The following POU4F1 variants were observed in gnomAD, a reference collection of about 807,000 sequenced individuals.
The protein encoded by POU4F1 is POU domain, class 4, transcription factor 1.
In POU4F1, 5 loss-of-function variants were observed where a neutral mutation model predicts 19.8. The ratio of observed to expected loss-of-function variants is 0.25; its 90% CI spans 0.13 to 0.53. The LOEUF is 0.53. POU4F1 is among the 20% of genes least tolerant of loss of function. The pLI is 0.96. For missense variants in POU4F1, 408 were observed against 511.6 expected (o/e 0.80, Z 1.95); for synonymous variants, 266 against 247.7 (o/e 1.07, Z -0.69).
intron 1 of POU4F1, among the ~76,000 whole-genome samples, chr13:78,602,961 T>C (rs990646850): frequency 2.0e-5 from 3 of 151,624 alleles, no homozygotes; most frequent in African/African-American, 7.3e-5. Flanking sequence ...TAGAGGGAAG[T>C]CGAGAGTCCT....
chr13:78,601,964 GGCC>G lies in POU4F1; in HGVS notation c.708_710del (p.Ala237del), dbSNP rs1229822868. ...CCGCCGATGCCGCTGCCACCTGCCCGGCCGCCGCCGCCGCCGCTGCCGCTGCCG... is the reference window on the plus strand; with the variant it reads ...CCGCCGATGCCGCTGCCACCTGCCCGGCCGCCGCCGCCGCTGCCGCTGCCG... On this transcript the variant is annotated inframe_deletion, in exon 2 of 2. Transcript: ENST00000377208. The G allele has an allele frequency of 2.0e-4, 235 of 1,165,782 alleles. No homozygotes were observed. Among genetic ancestry groups the G allele is most frequent in the Middle Eastern group, 3.4e-4 (1 of 2,900 alleles). The allele number at this position is 1,165,782 out of a possible 1,614,324, so 72.2% of individuals were successfully genotyped here. A position where few individuals can be genotyped will look rare whatever the true frequency, so the allele number is the denominator to read the frequency against.
rs560027499 is a variant in POU4F1 at position 78,600,312 on chromosome 13, A to C, written c.*1103T>G. The C allele has an allele frequency of 1.3e-5, 2 of 152,062 alleles. No individual in the cohort carries two copies. The highest frequency in any genetic ancestry group is 2.4e-5 in the African/African-American group (1 of 41,496). The allele number at this position is 152,062 out of a possible 1,614,324, so 9.4% of individuals were successfully genotyped here. On this transcript the variant is annotated 3_prime_UTR_variant, in exon 2 of 2. Coordinates refer to ENST00000377208, the MANE Select transcript of POU4F1 (RefSeq NM_006237.4). The stretch of plus-strand genomic sequence containing the variant: ...AAATCAGTAGTTTAAACCTCTCTCT[A>C]AAAAAAAGATAAAACTGAAAGGGCA...
chr13:78,601,604 G>C lies in POU4F1; in HGVS notation c.1071C>G (p.Arg357=). Residue 357 remains arginine (R), a synonymous_variant, in exon 2 of 2, where the codon CGC becomes CGG. Transcript: ENST00000377208. The stretch of plus-strand genomic sequence containing the variant: ...CGGGCGCGGCGATGGAAGTCCGCTT[G>C]CGCTTCTTCTCGCCGCCGTTGAAGA... ...PELFNGGEKK[R]KRTSIAAPEK... is the part of the protein sequence containing the mutation. 1 of 1,613,834 alleles carries C rather than the reference G, an allele frequency of 6.2e-7. No homozygotes were observed.
chr13:78,602,746 G>T (rs1874766957), intron 1 of POU4F1, among the ~76,000 whole-genome samples, 195 bp from the exon 2 acceptor site: 1 of 137,832 alleles, frequency 7.3e-6, no homozygotes, highest in African/African-American at 2.7e-5. Flanking sequence ...CCAGGGAGGG[G>T]GCAGACGAGA....
chr13:78,602,641 C>T, intron 1 of POU4F1, 90 bp from the exon 2 acceptor site: 6 of 1,307,860 alleles, frequency 4.6e-6, no homozygotes, highest in Non-Finnish European at 4.9e-6. Flanking sequence ...GGCCGGAAAG[C>T]ACAGCATGCG....
rs1338937843 is a variant in POU4F1 at position 78,601,307 on chromosome 13, G to A, written c.*108C>T. 1.3e-6 allele frequency: 2 copies of A among 1,509,062 alleles called. No homozygotes were observed. Among genetic ancestry groups the A allele is most frequent in the East Asian group, 2.3e-5 (1 of 43,232 alleles). 93.5% of individuals were successfully genotyped at this position (1,509,062 alleles called of 1,614,324 possible). A position where few individuals can be genotyped will look rare whatever the true frequency, so the allele number is the denominator to read the frequency against. On this transcript the variant is annotated 3_prime_UTR_variant, in exon 2 of 2. Transcript: ENST00000377208. ...AGCGAGAAGGGACTCCCCAAATGCA[G>A]GCAGGATAACGGACACTCCAAATCC...
rs1307365140 is a variant in POU4F1 at position 78,603,298 on chromosome 13, T to A, written c.29A>T (p.His10Leu). ...AGGGAGGGTGGGATGCATGGCAAAG[T>A]GAGGCTGCTTGCTGTTCATGGACAT... MMSMNSKQP[H>L]FAMHPTLPEH... The change falls in exon 1 of 2, where the codon CAC becomes CTC. Residue 10 changes from histidine to leucine, a missense_variant. By Grantham distance (99) the His-to-Leu change is moderately conservative (BLOSUM62 -3). Around this residue, in one of 4 missense-constraint regions of POU4F1, gnomAD observed 294 missense variants for 288.2 expected, o/e 1.02. Transcript: ENST00000377208. The A allele has an allele frequency of 6.3e-7, 1 of 1,580,588 alleles. No individual in the cohort carries two copies. Among genetic ancestry groups the A allele is most frequent in the African/African-American group, 1.4e-5 (1 of 71,154 alleles).
chr13:78,601,625 G>T lies in POU4F1; in HGVS notation c.1050C>A (p.Phe350Leu), dbSNP rs768629291. The T allele has an allele frequency of 1.2e-6, 2 of 1,613,910 alleles. No homozygotes were observed. Among genetic ancestry groups the T allele is most frequent in the Non-Finnish European group, 1.7e-6 (2 of 1,180,002 alleles). Residue 350 changes from phenylalanine (F) to leucine (L), a missense_variant, in exon 2 of 2, where the codon TTC (phenylalanine) becomes TTA (leucine). Around this residue, in one of 4 missense-constraint regions of POU4F1, gnomAD observed 39 missense variants for 36.8 expected, o/e 1.06. Coordinates refer to ENST00000377208, the MANE Select transcript of POU4F1 (RefSeq NM_006237.4). Reference sequence around the variant, plus strand: ...GCTTGCGCTTCTTCTCGCCGCCGTTGAAGAGCTCAGGCTTGTTCATTTTCT... The same window carrying T: ...GCTTGCGCTTCTTCTCGCCGCCGTTTAAGAGCTCAGGCTTGTTCATTTTCT... Reference protein sequence around the residue: ...QREKMNKPELFNGGEKKRKRT... With the variant: ...QREKMNKPELLNGGEKKRKRT...
rs1449287794 is a variant in POU4F1 at position 78,601,877 on chromosome 13, G to A, written c.798C>T (p.Arg266=). ...ASICDSDTDP[R]ELEAFAERFK... ...AGCGCTCCGCGAACGCCTCGAGCTC[G>A]CGCGGGTCCGTGTCCGAGTCGCAGA... is the stretch of plus-strand genomic sequence containing the variant. Residue 266 remains arginine, a synonymous_variant, in exon 2 of 2, where the codon CGC becomes CGT. Transcript: ENST00000377208. The A allele has an allele frequency of 3.8e-6, 6 of 1,578,216 alleles. No homozygotes were observed. In the African/African-American group the frequency reaches 4.1e-5, roughly 11 times the overall value.
In POU4F1 at chr13:78,602,448, A is replaced by G; in HGVS notation, c.227T>C (p.Phe76Ser). The G allele has an allele frequency of 6.2e-7, 1 of 1,600,980 alleles. No homozygotes were observed. The highest frequency in any genetic ancestry group is 8.5e-7 in the Non-Finnish European group (1 of 1,175,220). ...IAVSQGKSHPFKPDATYHTMN... is the reference protein window; with the variant it reads ...IAVSQGKSHPSKPDATYHTMN... ...CGTGTGGTACGTGGCGTCCGGCTTGAAAGGATGGCTCTTGCCCTGGGACAC... is the reference window on the plus strand; with the variant it reads ...CGTGTGGTACGTGGCGTCCGGCTTGGAAGGATGGCTCTTGCCCTGGGACAC... The change falls in exon 2 of 2, where the codon TTC becomes TCC. Residue 76 changes from phenylalanine (F) to serine (S), a missense_variant. Around this residue, in one of 4 missense-constraint regions of POU4F1, gnomAD observed 294 missense variants for 288.2 expected, o/e 1.02. Coordinates refer to ENST00000377208, the MANE Select transcript of POU4F1 (RefSeq NM_006237.4).
chr13:78,601,833 T>G lies in POU4F1; in HGVS notation c.842A>C (p.Lys281Thr). 1.2e-6 allele frequency: 2 copies of G among 1,609,558 alleles called. No homozygotes were observed. The highest frequency in any genetic ancestry group is 1.7e-6 in the Non-Finnish European group (2 of 1,179,342). The stretch of plus-strand genomic sequence containing the variant: ...CACGTCGGCCTGCGTCACGCCCAGC[T>G]TGATGCGCCGCTGCTTGAAGCGCTC... ...FAERFKQRRI[K>T]LGVTQADVGS... The change falls in exon 2 of 2, where the codon AAG becomes ACG. Residue 281 changes from lysine (K) to threonine (T), a missense_variant. Physicochemically the swap from Lys to Thr is moderately conservative, Grantham distance 78. This residue lies in a region of POU4F1 where 40 missense variants were observed against 100.7 expected (regional missense o/e 0.40). Transcript: ENST00000377208.
chr13:78,603,037 A>T (rs1333999689), intron 1 of POU4F1, among the ~76,000 whole-genome samples, 167 bp downstream of exon 1: 1 of 152,066 alleles, frequency 6.6e-6, no homozygotes, highest in Non-Finnish European at 1.5e-5. Context: ...CAGGAACACG[A>T]CATTAAGGGC....
chr13:78,603,284 G>A lies in POU4F1; in HGVS notation c.43C>T (p.Pro15Ser). Residue 15 changes from proline (P) to serine (S), a missense_variant, in exon 1 of 2, where the codon CCC becomes TCC. Physicochemically the swap from Pro to Ser is moderately conservative, Grantham distance 74. This residue lies in a region of POU4F1 where 294 missense variants were observed against 288.2 expected (regional missense o/e 1.02). Transcript: ENST00000377208. ...GGGTACTTGTGCTCAGGGAGGGTGG[G>A]ATGCATGGCAAAGTGAGGCTGCTTG... ...NSKQPHFAMH[P>S]TLPEHKYPSL... 1 of 1,580,358 alleles carries A rather than the reference G, an allele frequency of 6.3e-7. No individual in the cohort carries two copies. The highest frequency in any genetic ancestry group is 8.6e-7 in the Non-Finnish European group (1 of 1,164,444).
In POU4F1 at chr13:78,602,431, A is replaced by G; in HGVS notation, c.244T>C (p.Tyr82His). 1.9e-6 allele frequency: 3 copies of G among 1,592,816 alleles called. No homozygotes were observed. Among genetic ancestry groups the G allele is most frequent in the Non-Finnish European group, 2.6e-6 (3 of 1,171,118 alleles). ...KSHPFKPDAT[Y>H]HTMNSVPCTS... The stretch of plus-strand genomic sequence containing the variant: ...CACGGCACGCTGTTCATCGTGTGGT[A>G]CGTGGCGTCCGGCTTGAAAGGATGG... Residue 82 changes from tyrosine (Y) to histidine (H), a missense_variant, in exon 2 of 2, where the codon TAC becomes CAC. This residue lies in a region of POU4F1 where 294 missense variants were observed against 288.2 expected (regional missense o/e 1.02). Transcript: ENST00000377208.
chr13:78,598,566 G>C lies in POU4F1; in HGVS notation c.*2849C>G, dbSNP rs144446048. 1 of 151,570 alleles carries C rather than the reference G, an allele frequency of 6.6e-6. No homozygotes were observed. The highest frequency in any genetic ancestry group is 1.5e-5 in the Non-Finnish European group (1 of 67,926). The allele number at this position is 151,570 out of a possible 1,614,324, so 9.4% of individuals were successfully genotyped here. A position where few individuals can be genotyped will look rare whatever the true frequency, so the allele number is the denominator to read the frequency against. On this transcript the variant is annotated 3_prime_UTR_variant, in exon 2 of 2. Transcript: ENST00000377208. ...AAGTGTTTTCCTTCACAGATTTGCC[G>C]GTGAAATTAAAAAGATTTGGCTAAA...
In POU4F1 at chr13:78,601,635, G is replaced by A. The variant is rs774293551; in HGVS notation, c.1040C>T (p.Pro347Leu). Residue 347 changes from proline to leucine, a missense_variant, in exon 2 of 2, where the codon CCT (proline) becomes CTT (leucine). Pro to Leu is a moderately conservative substitution (Grantham distance 98). This residue lies in a region of POU4F1 where 39 missense variants were observed against 36.8 expected (regional missense o/e 1.06). Coordinates refer to ENST00000377208, the MANE Select transcript of POU4F1 (RefSeq NM_006237.4). ...EGAQREKMNK[P>L]ELFNGGEKKR... is the part of the protein sequence containing the mutation. ...CTTCTCGCCGCCGTTGAAGAGCTCA[G>A]GCTTGTTCATTTTCTCGCGCTGGGC... 5 of 1,613,760 alleles carry A rather than the reference G, an allele frequency of 3.1e-6. No individual in the cohort carries two copies. The highest frequency in any genetic ancestry group is 1.7e-5 in the Admixed American group (1 of 60,002).
rs1045584794 is a variant in POU4F1, at chr13:78,603,457, G to A, written c.-131C>T. ...CGGCGGCTGGCGGCGGCCCCGCCGC[G>A]GGCTGCTGCTGCTGCTCCTGCTGCT... On this transcript the variant is annotated 5_prime_UTR_variant, in exon 1 of 2. Transcript: ENST00000377208. The A allele has an allele frequency of 7.0e-6, 9 of 1,290,518 alleles. No homozygotes were observed. In the African/African-American group the frequency reaches 7.9e-5, roughly 11 times the overall value. The allele number at this position is 1,290,518 out of a possible 1,614,324, so 79.9% of individuals were successfully genotyped here. A position where few individuals can be genotyped will look rare whatever the true frequency, so the allele number is the denominator to read the frequency against.
At position 78,599,882 on chromosome 13, in the gene POU4F1, A is replaced by T. The variant is rs1202525747; in HGVS notation, c.*1533T>A. 2 of 152,612 alleles carry T rather than the reference A, an allele frequency of 1.3e-5. No homozygotes were observed. Among genetic ancestry groups the T allele is most frequent in the Non-Finnish European group, 2.9e-5 (2 of 68,034 alleles). 9.5% of individuals were successfully genotyped at this position (152,612 alleles called of 1,614,324 possible). A position where few individuals can be genotyped will look rare whatever the true frequency, so the allele number is the denominator to read the frequency against. ...GTAAGGTACCTGATTATTACTATGA[A>T]ATACTATACATGATTTTCTATTTGG... On this transcript the variant is annotated 3_prime_UTR_variant, in exon 2 of 2. Coordinates refer to ENST00000377208, the MANE Select transcript of POU4F1 (RefSeq NM_006237.4).
Position 78,602,511 on chromosome 13 carries a change from A to G in POU4F1, c.164T>C (p.Leu55Pro). The change falls in exon 2 of 2, where the codon CTG becomes CCG. Residue 55 changes from leucine (L) to proline (P), a missense_variant. Physicochemically the swap from Leu to Pro is moderately conservative, Grantham distance 98. Coordinates refer to ENST00000377208, the MANE Select transcript of POU4F1 (RefSeq NM_006237.4). The part of the protein sequence containing the change: ...NLFASLDETL[L>P]ARAEALAAVD... ...GGCCGCCAGCGCCTCGGCCCGCGCC[A>G]GCAGCGTCTCGTCCAGGCTGGCGAA... The G allele has an allele frequency of 6.3e-7, 1 of 1,587,648 alleles. No homozygotes were observed. Among genetic ancestry groups the G allele is most frequent in the Non-Finnish European group, 8.5e-7 (1 of 1,169,824 alleles).
Sources: gnomAD v4.1 joint callset for allele counts (sites outside exome capture counted in the v4.1 genomes callset) on GRCh38, gnomAD v4.1.1 for gene constraint, gnomAD v4.1.1 regional missense constraint, MANE v1.5 for transcripts, NCBI Gene and HGNC (gene_info 2026-07-23, HGNC 2026-07-21) for gene names.